MAML2: variants seen among roughly 807,000 people sequenced by gnomAD.
MAML2 encodes mastermind-like protein 2.
In MAML2, 22 loss-of-function variants were observed where a neutral mutation model predicts 96.1. The observed-to-expected ratio is 0.23, with a 90% CI of 0.16 to 0.33. The LOEUF is 0.33. Among genes scored for constraint, MAML2 ranks in the 10% least tolerant of loss-of-function variants. The pLI is 1.00. For synonymous variants in MAML2, 561 were observed against 521.3 expected (o/e 1.08, Z -1.04); for missense variants, 1,367 against 1,392.4 (o/e 0.98, Z 0.29).
At chr11:96,223,478 T>C (rs927352696) in intron 1 of MAML2, among the ~76,000 whole-genome samples, 1 of 152,234 alleles carries the variant, frequency 6.6e-6, no homozygotes, top group Non-Finnish European at 1.5e-5. Context: ...ACATAGTATG[T>C]AGGCTTTCAT....
intron 1 of MAML2, among the ~76,000 whole-genome samples, chr11:96,122,303 A>ATT (rs111647397): frequency 7.5e-5 from 11 of 145,930 alleles, no homozygotes; most frequent in African/African-American, 2.7e-4. Context: ...AAACCTGCAG[A>ATT]TTTTTTTTTT....
rs541216405 is a variant in MAML2 at position 96,155,509 on chromosome 11, A to AATACATATATATATATATAT, written c.514-61993_514-61992insATATATATATATATATGTAT. Among the ~76,000 whole-genome samples, 24 of 74,852 alleles carry AATACATATATATATATATAT rather than the reference A, an allele frequency of 3.2e-4. 1 individual carries two copies. The highest frequency in any genetic ancestry group is 5.2e-4 in the Non-Finnish European group (21 of 40,024). 49.1% of individuals were successfully genotyped at this position (74,852 alleles called of 152,430 possible). A position where few individuals can be genotyped will look rare whatever the true frequency, so the allele number is the denominator to read the frequency against. On this transcript the variant is annotated intron_variant, in intron 1 of 4. Transcript: ENST00000524717. ...ACCTCATGGGCGCTGTAACAATTCA[A>AATACATATATATATATATAT]ATATATATATATATATATATATATA...
rs1268703763 is a variant in MAML2 at position 96,266,098 on chromosome 11, G to C, written c.513+75285C>G. 2.0e-5 allele frequency among the ~76,000 whole-genome samples: 3 copies of C among 152,166 alleles called. No individual in the cohort carries two copies. In the East Asian group the frequency reaches 5.8e-4, roughly 29 times the overall value. On this transcript the variant is annotated intron_variant, in intron 1 of 4. Transcript: ENST00000524717. ...AACATTCACCCCTAGACACTGCCCT[G>C]GTGTTGGAGCCCCACAGCCTGCCCG...
chr11:96,002,652 G>T (rs1039357127), intron 2 of MAML2, among the ~76,000 whole-genome samples: 4 of 3,772 alleles, frequency 1.1e-3, no homozygotes, highest in Non-Finnish European at 2.1e-3. Flanking sequence ...TGATGAGGAT[G>T]ATGATGGGGA....
At chr11:96,034,347 C>A (rs1858665445) in intron 2 of MAML2, among the ~76,000 whole-genome samples, 1 of 151,596 alleles carries the variant, frequency 6.6e-6, no homozygotes, top group Non-Finnish European at 1.5e-5. Flanking sequence ...ATCTCCCTGT[C>A]CTTTCATTGC....
At chr11:96,214,586 G>T (rs375120999) in intron 1 of MAML2, among the ~76,000 whole-genome samples, 1 of 152,172 alleles carries the variant, frequency 6.6e-6, no homozygotes, top group East Asian at 1.9e-4. Flanking sequence ...AAAGCAGGAG[G>T]TTTAAATAAC....
chr11:96,029,338 T>G (rs1328458842), intron 2 of MAML2, among the ~76,000 whole-genome samples: 1 of 152,104 alleles, frequency 6.6e-6, no homozygotes, highest in African/African-American at 2.4e-5. Flanking sequence ...TCTAAGAGAT[T>G]TTTACATCGT....
chr11:96,319,360 A>G (rs980353806), intron 1 of MAML2, among the ~76,000 whole-genome samples: 4 of 152,236 alleles, frequency 2.6e-5, no homozygotes, highest in Non-Finnish European at 5.9e-5. Flanking sequence ...TCTGACCCTT[A>G]GAAAATGTGT....
rs1254369124 is a variant in MAML2 at position 96,342,185 on chromosome 11, G to A, written c.-290C>T. 5 of 476,778 alleles carry A rather than the reference G, an allele frequency of 1.0e-5. No individual in the cohort carries two copies. The East Asian group carries it at 1.3e-4, about 12-fold the overall frequency. The allele number at this position is 476,778 out of a possible 1,614,324, so 29.5% of individuals were successfully genotyped here. Reference sequence around the variant, plus strand: ...GACAGCTCTGGAGAAGTTGGACAGAGTTGGTGGATTTTTTTTCCTCCACCA... The same window carrying A: ...GACAGCTCTGGAGAAGTTGGACAGAATTGGTGGATTTTTTTTCCTCCACCA... On this transcript the variant is annotated 5_prime_UTR_variant, in exon 1 of 5. Coordinates refer to ENST00000524717, the MANE Select transcript of MAML2 (RefSeq NM_032427.4).
At position 95,990,248 on chromosome 11, in the gene MAML2, C is replaced by A. The variant is rs540859377; in HGVS notation, c.2343+1272G>T. Among the ~76,000 whole-genome samples the A allele has an allele frequency of 7.2e-5, 11 of 152,134 alleles. No individual in the cohort carries two copies. The South Asian group carries it at 2.3e-3, about 32-fold the overall frequency. On this transcript the variant is annotated intron_variant, in intron 3 of 4. Coordinates refer to ENST00000524717, the MANE Select transcript of MAML2 (RefSeq NM_032427.4). The stretch of plus-strand genomic sequence containing the variant: ...TAATGCAAATCTGAATCTAGTACTT[C>A]CCCTTGTGTTAAATCCTTAAAATCT...
chr11:96,019,685 T>TATA (rs966236547), intron 2 of MAML2, among the ~76,000 whole-genome samples: 28 of 2,690 alleles, frequency 0.01, no homozygotes, highest in Non-Finnish European at 0.012. Flanking sequence ...TAATAATAAT[T>TATA]ATAATAATAA....
intron 2 of MAML2, among the ~76,000 whole-genome samples, chr11:96,019,732 A>G (rs1858408358): frequency 1.3e-5 from 2 of 150,666 alleles, no homozygotes; most frequent in Admixed American, 1.3e-4. Context: ...ATACACATGT[A>G]GAACCAGACA....
chr11:96,332,954 C>T (rs1243499526), intron 1 of MAML2, among the ~76,000 whole-genome samples: 2 of 152,170 alleles, frequency 1.3e-5, no homozygotes, highest in African/African-American at 2.4e-5. Flanking sequence ...CCAACAGACT[C>T]CCGGTAAGTT....
intron 1 of MAML2, among the ~76,000 whole-genome samples, chr11:96,216,636 G>T (rs1364566963): frequency 6.6e-6 from 1 of 152,162 alleles, no homozygotes; most frequent in Non-Finnish European, 1.5e-5. Context: ...GATCATTTAG[G>T]TATGCTGTGT....
At chr11:96,315,783 C>T (rs544113749) in intron 1 of MAML2, among the ~76,000 whole-genome samples, 2 of 152,214 alleles carry the variant, frequency 1.3e-5, no homozygotes, top group African/African-American at 2.4e-5. Context: ...GCTATGCATC[C>T]AGTCCCTGCA....
chr11:95,984,018 C>A (rs954287612), intron 4 of MAML2, among the ~76,000 whole-genome samples: 4 of 152,184 alleles, frequency 2.6e-5, no homozygotes, highest in African/African-American at 9.7e-5. Context: ...CCCAGTGCAA[C>A]TTCCAGTCCT....
chr11:96,219,367 C>T (rs537126492), intron 1 of MAML2, among the ~76,000 whole-genome samples: 73 of 152,316 alleles, frequency 4.8e-4, no homozygotes, highest in African/African-American at 1.7e-3. Context: ...TCCCAGATCA[C>T]CTCGGGCATG....
rs553538226 is a variant in MAML2 at position 96,265,077 on chromosome 11, C to G, written c.513+76306G>C. ...ACATAACTAAACCATGTTATTTATT[C>G]TTTGTACACAAATACATAGTGTCAG... is the stretch of plus-strand genomic sequence containing the variant. On this transcript the variant is annotated intron_variant, in intron 1 of 4. Coordinates refer to ENST00000524717, the MANE Select transcript of MAML2 (RefSeq NM_032427.4). Among the ~76,000 whole-genome samples, 5 of 152,298 alleles carry G rather than the reference C, an allele frequency of 3.3e-5. 1 individual carries two copies. The highest frequency in any genetic ancestry group is 1.2e-4 in the African/African-American group (5 of 41,562).
intron 1 of MAML2, among the ~76,000 whole-genome samples, chr11:96,288,530 G>A (rs376000977): frequency 1.1e-4 from 16 of 139,794 alleles, no homozygotes; most frequent in Admixed American, 7.4e-4. Context: ...TGACAACAGC[G>A]AGACTCTGTC....
Sources: gnomAD v4.1 joint callset for allele counts (sites outside exome capture counted in the v4.1 genomes callset) on GRCh38, gnomAD v4.1.1 for gene constraint, MANE v1.5 for transcripts, NCBI Gene and HGNC (gene_info 2026-07-23, HGNC 2026-07-21) for gene names.